The following GRB10 variants were observed in gnomAD, a reference collection of about 807,000 sequenced individuals.
GRB10 encodes the protein growth factor receptor-bound protein 10.
Under a neutral mutation model 80.9 loss-of-function variants are expected in GRB10, and 20 were observed. That is an observed-to-expected ratio of 0.25 (90% CI 0.17 to 0.36). GRB10 has a LOEUF of 0.36. GRB10 is among the 10% of genes least tolerant of loss of function. The probability of loss-of-function intolerance (pLI) is 1.00; values close to 1 mark genes in which losing one functional copy is unlikely to be tolerated. For missense variants in GRB10, 548 were observed against 747.7 expected (o/e 0.73, Z 3.12); for synonymous variants, 291 against 291.5 (o/e 1.00, Z 0.02).
At chr7:50,687,714 G>A (rs2062273098) in intron 5 of GRB10, among the ~76,000 whole-genome samples, 1 of 152,154 alleles carries the variant, frequency 6.6e-6, no homozygotes, top group African/African-American at 2.4e-5. Context: ...TGCCCATGAT[G>A]TAAGGTCAGT....
chr7:50,593,152 G>A (rs780136602), intron 18 of GRB10, 54 bp from the exon 19 acceptor site: 4 of 1,604,594 alleles, frequency 2.5e-6, no homozygotes, highest in East Asian at 2.2e-5. Context: ...TCAGGGAACA[G>A]AACGGGGCCC....
At chr7:50,747,165 C>T (rs1224608507) in intron 3 of GRB10, among the ~76,000 whole-genome samples, 1 of 152,156 alleles carries the variant, frequency 6.6e-6, no homozygotes, top group Non-Finnish European at 1.5e-5. Context: ...CTCACTCTCA[C>T]AGTCATGGTC....
At chr7:50,598,542 A>G (rs2047041984) in intron 17 of GRB10, among the ~76,000 whole-genome samples, 1 of 152,202 alleles carries the variant, frequency 6.6e-6, no homozygotes, top group Non-Finnish European at 1.5e-5. Flanking sequence ...TTTACAAGCA[A>G]GACACCGTGC....
intron 4 of GRB10, among the ~76,000 whole-genome samples, chr7:50,714,894 C>T (rs79544152): frequency 0.012 from 1,850 of 152,008 alleles, 15 homozygotes; most frequent in East Asian, 0.023. Flanking sequence ...AGATCAGGGC[C>T]GTAGGAGGCA....
At chr7:50,718,052 G>T (rs1420657142) in intron 4 of GRB10, among the ~76,000 whole-genome samples, 8 of 152,192 alleles carry the variant, frequency 5.3e-5, no homozygotes, top group Non-Finnish European at 2.9e-5. Flanking sequence ...GGACTCAGTC[G>T]GCCCAGACAA....
At chr7:50,676,762 G>C (rs1427258571) in intron 5 of GRB10, among the ~76,000 whole-genome samples, 1 of 151,878 alleles carries the variant, frequency 6.6e-6, no homozygotes, top group African/African-American at 2.4e-5. Context: ...TAGTGCAGAG[G>C]GGGTATGGAG....
intron 4 of GRB10, among the ~76,000 whole-genome samples, chr7:50,706,883 G>A (rs752186905): frequency 9.2e-5 from 14 of 152,308 alleles, no homozygotes; most frequent in Non-Finnish European, 1.9e-4. Flanking sequence ...CCCTGGGTGA[G>A]CACCCATCCC....
chr7:50,733,020 T>A (rs888425366), intron 3 of GRB10, among the ~76,000 whole-genome samples: 1 of 152,202 alleles, frequency 6.6e-6, no homozygotes, highest in African/African-American at 2.4e-5. Flanking sequence ...CTCCCAAAGT[T>A]CCTAAGCTGC....
At chr7:50,706,173 C>A (rs1040951927) in intron 4 of GRB10, among the ~76,000 whole-genome samples, 1 of 152,166 alleles carries the variant, frequency 6.6e-6, no homozygotes, top group Non-Finnish European at 1.5e-5. Context: ...GGTCTTTGCA[C>A]CTTTGTTGTA....
At chr7:50,697,876 A>T (rs1256398897) in intron 5 of GRB10, among the ~76,000 whole-genome samples, 1 of 152,170 alleles carries the variant, frequency 6.6e-6, no homozygotes, top group Non-Finnish European at 1.5e-5. Context: ...AGGGAGCTGC[A>T]AGCCCCAGGT....
At chr7:50,650,217 C>T (rs2057834628) in intron 7 of GRB10, among the ~76,000 whole-genome samples, 1 of 152,232 alleles carries the variant, frequency 6.6e-6, no homozygotes, top group Non-Finnish European at 1.5e-5. Context: ...TCACATGCTG[C>T]TGAGATGCCA....
At chr7:50,754,898 C>T (rs2074815421) in intron 3 of GRB10, among the ~76,000 whole-genome samples, 1 of 152,126 alleles carries the variant, frequency 6.6e-6, no homozygotes, top group Non-Finnish European at 1.5e-5. Context: ...CAAAGGTGGG[C>T]CCTAATCCAA....
chr7:50,739,318 G>T (rs2153695774), intron 3 of GRB10, among the ~76,000 whole-genome samples: 1 of 152,340 alleles, frequency 6.6e-6, no homozygotes, highest in African/African-American at 2.4e-5. Context: ...AAACTCTAGA[G>T]TCTAGCAGAC....
rs192713151 is a variant in GRB10 at position 50,621,396 on chromosome 7, G to C, written c.662-2111C>G. 2.0e-3 allele frequency among the ~76,000 whole-genome samples: 298 copies of C among 152,316 alleles called. 1 individual carries two copies. Among genetic ancestry groups the C allele is most frequent in the Non-Finnish European group, 3.4e-3 (234 of 68,020 alleles). The stretch of plus-strand genomic sequence containing the variant: ...CTTTTCTGAGGCTGGTGACTCCAGA[G>C]GGCGCCTACCATCCCCAGAGGTGGG... On this transcript the variant is annotated intron_variant, in intron 8 of 18. Coordinates refer to ENST00000401949, the MANE Select transcript of GRB10 (RefSeq NM_001350814.2).
chr7:50,637,675 T>G (rs754211038), intron 7 of GRB10, among the ~76,000 whole-genome samples: 2 of 151,612 alleles, frequency 1.3e-5, no homozygotes, highest in African/African-American at 4.8e-5. Flanking sequence ...CCAATGTCAT[T>G]CTTCACATAA....
rs1055442536 is a variant in GRB10 at position 50,782,724 on chromosome 7, C to T, written c.-627G>A. On this transcript the variant is annotated 5_prime_UTR_variant, in exon 1 of 19. Transcript: ENST00000401949. This position sits in a 1 kb window ranked among gnomAD's most constrained non-coding sequence, Gnocchi z 6.6. ...GGGCGAGGGTGGGATGCCGCGCCAC[C>T]GCCCGAGCGTGCCCGGGGGCTCCCA... 2.0e-5 allele frequency: 3 copies of T among 152,030 alleles called. No homozygotes were observed. The highest frequency in any genetic ancestry group is 6.5e-5 in the Admixed American group (1 of 15,268). 9.4% of individuals were successfully genotyped at this position (152,030 alleles called of 1,614,324 possible).
chr7:50,783,632 G>A (rs1024038528), upstream of GRB10, among the ~76,000 whole-genome samples: 2 of 152,118 alleles, frequency 1.3e-5, no homozygotes, highest in African/African-American at 4.8e-5. Context: ...GATATTCACT[G>A]CCGTTTACAA....
chr7:50,787,356 A>G (rs1047375345), upstream of GRB10, among the ~76,000 whole-genome samples: 2 of 152,218 alleles, frequency 1.3e-5, no homozygotes, highest in Admixed American at 6.5e-5. Context: ...ACGTACAGAA[A>G]AAAATCTGCT....
intron 5 of GRB10, among the ~76,000 whole-genome samples, chr7:50,675,958 G>A (rs1192031972): frequency 6.6e-6 from 1 of 152,170 alleles, no homozygotes; most frequent in Non-Finnish European, 1.5e-5. Context: ...TTGTTGTTGT[G>A]CTTAAGCTAA....
Sources: gnomAD v4.1 joint callset for allele counts (sites outside exome capture counted in the v4.1 genomes callset) on GRCh38, gnomAD v4.1.1 for gene constraint, Gnocchi (gnomAD v3.1) non-coding constraint, MANE v1.5 for transcripts, NCBI Gene and HGNC (gene_info 2026-07-23, HGNC 2026-07-21) for gene names.